WDR62: variants seen among roughly 807,000 people sequenced by gnomAD.
The protein encoded by WDR62 is WD repeat domain 62.
A neutral mutation model predicts 160.6 loss-of-function variants in WDR62; 112 were observed. That is an observed-to-expected ratio of 0.70 (90% confidence interval 0.60 to 0.82). The LOEUF (loss-of-function observed/expected upper bound fraction) is 0.82, where lower values mean the gene tolerates loss of function less well. Ranked by LOEUF, WDR62 falls within the 40% of genes least tolerant of loss-of-function variation. WDR62 has a pLI of 0.00. For synonymous variants in WDR62, 792 were observed against 815.1 expected, an observed-to-expected ratio of 0.97 and a Z score of 0.48; for missense variants, 1,819 against 1,983.8, an observed-to-expected ratio of 0.92 and a Z score of 1.58.
At chr19:36,097,130 C>T (rs1973019579) in intron 21 of WDR62, 51 bp downstream of exon 21, 6 of 1,562,860 alleles carry the variant, frequency 3.8e-6, no homozygotes, top group Admixed American at 1.7e-5. Flanking sequence ...GAAACGCCTC[C>T]CCAGCTCTGC....
At chr19:36,105,887 C>T (rs567225878), downstream of WDR62, among the ~76,000 whole-genome samples, 205 of 151,280 alleles carry the variant, frequency 1.4e-3, no homozygotes, top group African/African-American at 4.2e-3. Flanking sequence ...TTAGTAGAGA[C>T]GGGGTTTTGC....
intron 9 of WDR62, among the ~76,000 whole-genome samples, chr19:36,076,196 T>A (rs1568339664): frequency 1.3e-5 from 2 of 152,164 alleles, no homozygotes; most frequent in Non-Finnish European, 2.9e-5. Context: ...GATGCCAATA[T>A]GTTCCAGTCT....
chr19:36,068,099 T>G (rs1207412051), intron 7 of WDR62, 89 bp downstream of exon 7: 22 of 1,478,398 alleles, frequency 1.5e-5, no homozygotes, highest in Admixed American at 1.2e-4. Flanking sequence ...ACCACACAGG[T>G]TCTGCTTATG....
chr19:36,070,000 G>C (rs1287313195), intron 7 of WDR62, among the ~76,000 whole-genome samples: 4 of 113,086 alleles, frequency 3.5e-5, no homozygotes, highest in African/African-American at 1.2e-4. Context: ...AAGAGAGGGA[G>C]AGGGAGACCG....
chr19:36,062,659 A>C lies in WDR62; in HGVS notation c.332+2629A>C, dbSNP rs572014513. 4 of 149,290 alleles carry C rather than the reference A, an allele frequency of 2.7e-5. No homozygotes were observed. In the South Asian group the frequency reaches 6.3e-4, roughly 23 times the overall value. 9.2% of individuals were successfully genotyped at this position (149,290 alleles called of 1,614,324 possible). ...AGCAAGAGTCCGTCTCAAAAAAAAA[A>C]AAAAAAAAAAAAAAAACTTAATCAA... On this transcript the variant is annotated intron_variant, in intron 3 of 31. Coordinates refer to ENST00000401500, the MANE Select transcript of WDR62 (RefSeq NM_001083961.2).
chr19:36,099,544 T>C lies in WDR62; in HGVS notation c.2666T>C (p.Met889Thr), dbSNP rs139749569. 2.2e-4 allele frequency: 353 copies of C among 1,614,162 alleles called. 1 individual carries two copies. In the African/African-American group the frequency reaches 4.0e-3, roughly 18 times the overall value. The change falls in exon 22 of 32, where the codon ATG (methionine) becomes ACG (threonine). Residue 889 changes from methionine to threonine, a missense_variant. Transcript: ENST00000401500. ...GACCTGGATTGCTACTTTACCCCCA[T>C]GAAGCCCGAGAGTCTGGAGAACTCC... Reference protein sequence around the residue: ...AQDLDCYFTPMKPESLENSIL... With the variant: ...AQDLDCYFTPTKPESLENSIL...
At chr19:36,088,089 C>A (rs1972362073) in intron 13 of WDR62, among the ~76,000 whole-genome samples, 1 of 152,180 alleles carries the variant, frequency 6.6e-6, no homozygotes, top group African/African-American at 2.4e-5. Flanking sequence ...GAGCCAATGA[C>A]TCCTCCTTGA....
In WDR62 at chr19:36,084,957, C is replaced by T. The variant is rs368383031; in HGVS notation, c.1642+213C>T. On this transcript the variant is annotated intron_variant, in intron 12 of 31. Coordinates refer to ENST00000401500, the MANE Select transcript of WDR62 (RefSeq NM_001083961.2). ...CAGGCAGGACTCAGCTTGACTTGCCCGCTGCTGGTGCCAGCACCCAAGCCA... is the reference window on the plus strand; with the variant it reads ...CAGGCAGGACTCAGCTTGACTTGCCTGCTGCTGGTGCCAGCACCCAAGCCA... Among the ~76,000 whole-genome samples the T allele has an allele frequency of 5.3e-5, 8 of 152,234 alleles. No homozygotes were observed. The South Asian group carries it at 6.2e-4, about 12-fold the overall frequency.
chr19:36,077,105 T>A (rs1017568798), intron 9 of WDR62, among the ~76,000 whole-genome samples: 1 of 152,110 alleles, frequency 6.6e-6, no homozygotes, highest in Non-Finnish European at 1.5e-5. Context: ...CTCTCTAGTT[T>A]CAGAACATTT....
At chr19:36,105,774 C>T (rs9789306), downstream of WDR62, among the ~76,000 whole-genome samples, 12,454 of 152,184 alleles carry the variant, frequency 0.082, 743 homozygotes, top group Admixed American at 0.19. Context: ...TCTTGGCTCA[C>T]TGCAACCTCC....
At chr19:36,101,545 C>T (rs1180526715) in intron 24 of WDR62, 119 bp from the exon 25 acceptor site, 2 of 842,766 alleles carry the variant, frequency 2.4e-6, no homozygotes, top group Admixed American at 2.1e-5. Flanking sequence ...AAATGGGGGG[C>T]AGCTGCTCTT....
chr19:36,092,629 G>C, intron 18 of WDR62, 60 bp from the exon 19 acceptor site: 1 of 1,610,498 alleles, frequency 6.2e-7, no homozygotes, highest in Non-Finnish European at 8.5e-7. Flanking sequence ...GGTCAGCCAC[G>C]GCAGCGGCTC....
chr19:36,101,923 G>A (rs1973370974), intron 25 of WDR62, 91 bp from the exon 26 acceptor site: 5 of 1,594,922 alleles, frequency 3.1e-6, no homozygotes, highest in Non-Finnish European at 4.3e-6. Flanking sequence ...ACAGGGCAGG[G>A]ATGGGTGGGG....
chr19:36,104,976 A>G lies in WDR62; in HGVS notation c.4520A>G (p.His1507Arg), dbSNP rs776254857. Reference sequence around the variant, plus strand: ...CCAGACCTGCAGGCCCTGCTGGAACACTACTCGGAGCTGCTGGTGCAGGCC... The same window carrying G: ...CCAGACCTGCAGGCCCTGCTGGAACGCTACTCGGAGCTGCTGGTGCAGGCC... ...ASPDLQALLE[H>R]YSELLVQAVR... is the part of the protein sequence containing the mutation. The change falls in exon 32 of 32, where the codon CAC becomes CGC. Residue 1507 changes from histidine to arginine, a missense_variant. His to Arg is a conservative substitution (Grantham distance 29, BLOSUM62 0). Around this residue, in one of 3 missense-constraint regions of WDR62, gnomAD observed 770 missense variants for 734.2 expected, o/e 1.05. Coordinates refer to ENST00000401500, the MANE Select transcript of WDR62 (RefSeq NM_001083961.2). The G allele has an allele frequency of 1.2e-6, 2 of 1,604,766 alleles. No homozygotes were observed. Among genetic ancestry groups the G allele is most frequent in the East Asian group, 2.2e-5 (1 of 44,718 alleles).
chr19:36,098,577 A>G (rs1047487221), intron 21 of WDR62, among the ~76,000 whole-genome samples: 1 of 151,750 alleles, frequency 6.6e-6, no homozygotes, highest in African/African-American at 2.4e-5. Flanking sequence ...AAAAAAAAAA[A>G]AGAAAGACAA....
chr19:36,084,621 T>C (rs954623248), intron 11 of WDR62, 32 bp from the exon 12 acceptor site: 1 of 1,608,104 alleles, frequency 6.2e-7, no homozygotes, highest in African/African-American at 1.3e-5. Context: ...GGCTGGGGTG[T>C]GGGGCTTCAG....
At chr19:36,091,944 T>C (rs1431470486) in intron 18 of WDR62, among the ~76,000 whole-genome samples, 1 of 151,988 alleles carries the variant, frequency 6.6e-6, no homozygotes, top group Non-Finnish European at 1.5e-5. Flanking sequence ...CTTGTCACCT[T>C]GAGCAGGTTA....
chr19:36,097,126 C>A, intron 21 of WDR62, 47 bp downstream of exon 21: 1 of 1,584,916 alleles, frequency 6.3e-7, no homozygotes. Context: ...AGAGGAAACG[C>A]CTCCCCAGCT....
downstream of WDR62, among the ~76,000 whole-genome samples, chr19:36,107,431 G>A (rs764441896): frequency 4.6e-5 from 7 of 152,126 alleles, no homozygotes; most frequent in Non-Finnish European, 7.4e-5. Context: ...CACAGAGGGT[G>A]ACAGCAGGAG....
Sources: allele counts gnomAD v4.1 joint callset (sites outside exome capture counted in the v4.1 genomes callset), GRCh38; gene constraint gnomAD v4.1.1; regional missense constraint gnomAD v4.1.1; transcripts MANE v1.5; gene names NCBI Gene and HGNC (gene_info 2026-07-23, HGNC 2026-07-21).